Variants in ZNF469 observed in about 807,000 individuals in gnomAD.
The protein encoded by ZNF469 is zinc finger protein 469.
Under a neutral mutation model 1.0 loss-of-function variants are expected in ZNF469, and 1 was observed. That is an observed-to-expected ratio of 1.00 (90% CI 0.35 to 4.73). The LOEUF (loss-of-function observed/expected upper bound fraction) is 4.73, where lower values mean the gene tolerates loss of function less well. Among genes scored for constraint, ZNF469 ranks in the 30% most tolerant of loss-of-function variants. The probability of loss-of-function intolerance (pLI) is 0.16; values close to 1 mark genes in which losing one functional copy is unlikely to be tolerated. For missense variants in ZNF469, 6,100 were observed against 5,356.3 expected (o/e 1.14, Z -4.33); for synonymous variants, 2,703 against 2,363.4 (o/e 1.14, Z -4.17).
At chr16:88,121,758 T>A in the ZNF469 span, among the ~76,000 whole-genome samples, 2 of 152,254 alleles carry the variant, frequency 1.3e-5, no homozygotes, top group African/African-American at 4.8e-5. Context: ...TGCAGAGTTC[T>A]GATATAACTG....
chr16:88,435,452 G>T lies in ZNF469; in HGVS notation c.7982G>T (p.Gly2661Val). 2 of 1,549,834 alleles carry T rather than the reference G, an allele frequency of 1.3e-6. No individual in the cohort carries two copies. The highest frequency in any genetic ancestry group is 1.7e-6 in the Non-Finnish European group (2 of 1,146,984). Residue 2661 changes from glycine to valine, a missense_variant, in exon 3 of 3, where the codon GGC becomes GTC. Transcript: ENST00000565624. ...VSADVISDGR[G>V]SRPSPAMASY... The stretch of plus-strand genomic sequence containing the variant: ...GCTGATGTGATTTCAGATGGGCGCG[G>T]CTCCAGACCATCCCCTGCAATGGCC...
At chr16:88,261,330 G>T in the ZNF469 span, among the ~76,000 whole-genome samples, 1 of 152,222 alleles carries the variant, frequency 6.6e-6, no homozygotes, top group Admixed American at 6.5e-5. This position sits in a 1 kb window ranked among gnomAD's most constrained non-coding sequence, Gnocchi z 6.0. Context: ...CCTCCCTGTG[G>T]CAGAGGCTGT....
chr16:88,366,768 G>A, the ZNF469 span, among the ~76,000 whole-genome samples: 995 of 143,506 alleles, frequency 6.9e-3, 14 homozygotes, highest in Middle Eastern at 0.027. Context: ...CATCATCACC[G>A]CCATCGCCAC....
chr16:88,283,956 G>T, the ZNF469 span, among the ~76,000 whole-genome samples: 2 of 116,052 alleles, frequency 1.7e-5, no homozygotes, highest in African/African-American at 6.6e-5. Context: ...CCCCCAGTGT[G>T]CCCAAGGTCT....
In ZNF469 at chr16:88,437,364, C is replaced by T. The variant is rs551298094; in HGVS notation, c.9894C>T (p.Asp3298=). ...PDSASATALA[D]AGSPGPPRTT... ...GCGCCTCTGCCACCGCCCTGGCTGA[C>T]GCCGGCAGCCCGGGCCCCCCCAGGA... Residue 3298 remains aspartate, a synonymous_variant, in exon 3 of 3, where the codon GAC becomes GAT. Transcript: ENST00000565624. The T allele has an allele frequency of 8.6e-5, 133 of 1,541,292 alleles. 1 individual carries two copies. In the East Asian group the frequency reaches 3.2e-3, roughly 37 times the overall value.
chr16:88,122,354 T>C, the ZNF469 span, among the ~76,000 whole-genome samples: 10 of 148,966 alleles, frequency 6.7e-5, no homozygotes, highest in South Asian at 1.5e-3. Context: ...CGGATCACAC[T>C]CCATCACCCA....
intron 1 of ZNF469, among the ~76,000 whole-genome samples, chr16:88,395,224 T>G (rs1904620543): frequency 7.3e-6 from 1 of 136,990 alleles, no homozygotes; most frequent in African/African-American, 2.8e-5. Flanking sequence ...GGTGGATGGA[T>G]GGGTGGATGG....
the ZNF469 span, among the ~76,000 whole-genome samples, chr16:88,246,565 A>G: frequency 6.6e-6 from 1 of 152,260 alleles, no homozygotes; most frequent in Non-Finnish European, 1.5e-5. Context: ...AGCGCTTGCT[A>G]AAACACAGAT....
chr16:88,167,148 G>A, the ZNF469 span, among the ~76,000 whole-genome samples: 51 of 135,082 alleles, frequency 3.8e-4, no homozygotes, highest in East Asian at 5.6e-3. Flanking sequence ...TGTAACCTCC[G>A]CCTCCCGGGT....
the ZNF469 span, among the ~76,000 whole-genome samples, chr16:88,235,581 C>A: frequency 2.6e-5 from 4 of 152,226 alleles, no homozygotes; most frequent in Admixed American, 2.0e-4. Flanking sequence ...GGAACCAGAA[C>A]CCAAAAGAGG....
chr16:88,303,928 A>G, the ZNF469 span, among the ~76,000 whole-genome samples: 68 of 152,288 alleles, frequency 4.5e-4, no homozygotes, highest in African/African-American at 1.5e-3. Flanking sequence ...ATCGCTCTTA[A>G]TGAAAGTTGC....
chr16:88,289,972 G>C, the ZNF469 span, among the ~76,000 whole-genome samples: 1 of 152,222 alleles, frequency 6.6e-6, no homozygotes, highest in African/African-American at 2.4e-5. Flanking sequence ...GCCTGAGGCT[G>C]TGTCAGAGCA....
At chr16:88,249,714 G>T in the ZNF469 span, among the ~76,000 whole-genome samples, 5 of 152,292 alleles carry the variant, frequency 3.3e-5, 1 homozygote, top group Admixed American at 3.3e-4. Context: ...GGGATTACAG[G>T]CGTGAGCCAC....
At chr16:88,395,963 A>G (rs1904646763) in intron 1 of ZNF469, among the ~76,000 whole-genome samples, 1 of 152,140 alleles carries the variant, frequency 6.6e-6, no homozygotes, top group African/African-American at 2.4e-5. Context: ...AGTCATCCCC[A>G]CTGCAGGTGA....
At chr16:88,303,384 C>G in the ZNF469 span, among the ~76,000 whole-genome samples, 16 of 152,210 alleles carry the variant, frequency 1.1e-4, no homozygotes, top group Admixed American at 1.0e-3. Flanking sequence ...CAGCGCTGTT[C>G]TTTCCAGTGG....
the ZNF469 span, among the ~76,000 whole-genome samples, chr16:88,236,769 A>G: frequency 1.3e-5 from 2 of 151,804 alleles, no homozygotes; most frequent in Admixed American, 6.6e-5. Flanking sequence ...CTGGAGGCTG[A>G]GGCAAGAGAA....
the ZNF469 span, among the ~76,000 whole-genome samples, chr16:88,231,763 C>T: frequency 6.8e-3 from 1,029 of 152,292 alleles, 7 homozygotes; most frequent in Middle Eastern, 0.034. This position sits in a 1 kb window ranked among gnomAD's most constrained non-coding sequence, Gnocchi z 4.5. Flanking sequence ...GGGACAACCC[C>T]GGGCCACTCC....
the ZNF469 span, among the ~76,000 whole-genome samples, chr16:88,136,055 G>A: frequency 5.3e-5 from 8 of 152,072 alleles, no homozygotes; most frequent in Admixed American, 2.6e-4. Context: ...CACCGCGCCC[G>A]GCCAGCCATG....
rs1906579261 is a variant in ZNF469 at position 88,436,441 on chromosome 16, C to T, written c.8971C>T (p.His2991Tyr). 3 of 1,548,324 alleles carry T rather than the reference C, an allele frequency of 1.9e-6. 1 individual carries two copies. Among genetic ancestry groups the T allele is most frequent in the Middle Eastern group, 1.7e-4 (1 of 5,990 alleles). Residue 2991 changes from histidine (H) to tyrosine (Y), a missense_variant, in exon 3 of 3, where the codon CAC (histidine) becomes TAC (tyrosine). Transcript: ENST00000565624. ...TCGGCCGGAGGCCATTCCTGAGCTG[C>T]ACATGGTCCCAGCGGCTTGGCGAGG... ...DDRPEAIPEL[H>Y]MVPAAWRGLE...
Sources: gnomAD v4.1 joint callset for allele counts (sites outside exome capture counted in the v4.1 genomes callset) on GRCh38, gnomAD v4.1.1 for gene constraint, Gnocchi (gnomAD v3.1) non-coding constraint, MANE v1.5 for transcripts, NCBI Gene and HGNC (gene_info 2026-07-23, HGNC 2026-07-21) for gene names.